The following VASH2 variants were observed in gnomAD, a reference collection of about 807,000 sequenced individuals.
VASH2 encodes vasohibin 2, also known as tubulinyl-Tyr carboxypeptidase 2.
In VASH2, 28 loss-of-function variants were observed where a neutral mutation model predicts 37.2. That is an observed-to-expected ratio of 0.75 (90% CI 0.56 to 1.03). VASH2 has a LOEUF of 1.03. Among genes scored for constraint, VASH2 ranks in the 50% least tolerant of loss-of-function variants. The probability of loss-of-function intolerance (pLI) is 0.00; values close to 1 mark genes in which losing one functional copy is unlikely to be tolerated. For missense variants in VASH2, 419 were observed against 459.1 expected (o/e 0.91, Z 0.80); for synonymous variants, 188 against 174.7 (o/e 1.08, Z -0.60).
At chr1:212,955,787 G>A (rs1467737027) in intron 2 of VASH2, among the ~76,000 whole-genome samples, 2 of 152,220 alleles carry the variant, frequency 1.3e-5, no homozygotes, top group African/African-American at 4.8e-5. Context: ...AGACCTGGCT[G>A]CAGTCAAGGG....
At position 212,985,976 on chromosome 1, in the gene VASH2, C is replaced by T. The variant is rs146416047; in HGVS notation, c.996-2536C>T. Among the ~76,000 whole-genome samples, 299 of 152,140 alleles carry T rather than the reference C, an allele frequency of 2.0e-3. 2 individuals carry two copies. The highest frequency in any genetic ancestry group is 0.015 in the South Asian group (73 of 4,822). ...CTAACTAAAAATCAGGGATGGGAGA[C>T]GGGTGTTTTATACTAAAGAAGGGAA... On this transcript the variant is annotated intron_variant, in intron 7 of 7. Transcript: ENST00000517399.
chr1:212,989,498 A>T lies in VASH2; in HGVS notation c.*914A>T, dbSNP rs1230667110. 1 of 152,078 alleles carries T rather than the reference A, an allele frequency of 6.6e-6. No homozygotes were observed. The highest frequency in any genetic ancestry group is 1.5e-5 in the Non-Finnish European group (1 of 68,010). 9.4% of individuals were successfully genotyped at this position (152,078 alleles called of 1,614,324 possible). A position where few individuals can be genotyped will look rare whatever the true frequency, so the allele number is the denominator to read the frequency against. On this transcript the variant is annotated 3_prime_UTR_variant, in exon 8 of 8. Coordinates refer to ENST00000517399, the MANE Select transcript of VASH2 (RefSeq NM_001301056.2). ...ATCAGCAGGTCTTCAGAACCAAAAA[A>T]CCTTTCTGTTCACATTTCATCTGAT...
intron 7 of VASH2, among the ~76,000 whole-genome samples, chr1:212,987,569 C>T (rs750446864): frequency 3.3e-5 from 5 of 152,012 alleles, no homozygotes; most frequent in Non-Finnish European, 7.4e-5. Flanking sequence ...GGCGAAACTC[C>T]GTCTCAAAAA....
At chr1:212,972,180 T>A (rs10735511) in intron 5 of VASH2, among the ~76,000 whole-genome samples, 54,792 of 151,880 alleles carry the variant, frequency 0.36, 11,540 homozygotes, top group East Asian at 0.49. Context: ...CAAGAATACC[T>A]AAGCTAGGAT....
intron 7 of VASH2, among the ~76,000 whole-genome samples, chr1:212,979,866 A>G (rs1667289220): frequency 6.6e-6 from 1 of 151,652 alleles, no homozygotes; most frequent in Non-Finnish European, 1.5e-5. Flanking sequence ...GGAGGTTGAG[A>G]TTCATGTTTC....
intron 7 of VASH2, among the ~76,000 whole-genome samples, chr1:212,988,246 C>T (rs546676948): frequency 6.6e-6 from 1 of 152,290 alleles, no homozygotes; most frequent in East Asian, 1.9e-4. Context: ...CAAAGTCAGG[C>T]TTAAAGCTGC....
intron 2 of VASH2, among the ~76,000 whole-genome samples, chr1:212,956,414 C>T (rs1666496925): frequency 6.6e-6 from 1 of 152,180 alleles, no homozygotes; most frequent in Non-Finnish European, 1.5e-5. Flanking sequence ...GATCTGTTTC[C>T]TCTAGATTGT....
intron 7 of VASH2, 76 bp from the exon 8 acceptor site, chr1:212,988,436 G>A (rs1253734877): frequency 4.1e-6 from 6 of 1,468,202 alleles, no homozygotes; most frequent in Admixed American, 3.5e-5. Context: ...AAACCGAGTA[G>A]AGGACCTTGA....
At chr1:212,973,882 T>C in intron 6 of VASH2, 73 bp from the exon 7 acceptor site, 3 of 1,541,632 alleles carry the variant, frequency 1.9e-6, no homozygotes, top group Non-Finnish European at 2.6e-6. Flanking sequence ...GGGTGGAATG[T>C]GGTGCTAGAA....
intron 7 of VASH2, among the ~76,000 whole-genome samples, chr1:212,979,055 A>C (rs1249597145): frequency 9.3e-6 from 1 of 107,374 alleles, no homozygotes; most frequent in South Asian, 3.0e-4. Flanking sequence ...GGTGCAGGAC[A>C]TGAGAATAAG....
Position 212,965,845 on chromosome 1 carries a change from C to T in VASH2, c.422+67C>T, listed in dbSNP as rs552746914. On this transcript the variant is annotated intron_variant, in intron 4 of 7. Transcript: ENST00000517399. ...ACATTCGAGCTGCCAGCTTCCTCTC[C>T]CAACCTCTATTCCCGTAGCCCATGG... 143 of 1,440,450 alleles carry T rather than the reference C, an allele frequency of 9.9e-5. No homozygotes were observed. The African/African-American group carries it at 1.6e-3, about 16-fold the overall frequency. The allele number at this position is 1,440,450 out of a possible 1,614,324, so 89.2% of individuals were successfully genotyped here.
At chr1:212,975,547 C>A (rs73084276) in intron 7 of VASH2, among the ~76,000 whole-genome samples, 5,444 of 152,304 alleles carry the variant, frequency 0.036, 308 homozygotes, top group African/African-American at 0.12. Context: ...GACCCTGGAC[C>A]CTAACCTTAG....
rs1667047410 is a variant in VASH2, at chr1:212,972,770, T to C, written c.688T>C (p.Phe230Leu). Residue 230 changes from phenylalanine to leucine, a missense_variant, in exon 6 of 8, where the codon TTT becomes CTT. By Grantham distance (22) the Phe-to-Leu change is conservative. This residue lies in a region of VASH2 where 177 missense variants were observed against 166.2 expected (regional missense o/e 1.06). Transcript: ENST00000517399. ...LTFRTLSDLIFDFEDSYKKYL... is the reference protein window; with the variant it reads ...LTFRTLSDLILDFEDSYKKYL... ...TTTTCGGACTCTGAGTGACCTCATCTTTGACTTTGAGGACTCTTACAAGAA... is the reference window on the plus strand; with the variant it reads ...TTTTCGGACTCTGAGTGACCTCATCCTTGACTTTGAGGACTCTTACAAGAA... 6.2e-7 allele frequency: 1 copy of C among 1,614,112 alleles called. No individual in the cohort carries two copies. The highest frequency in any genetic ancestry group is 1.7e-5 in the Admixed American group (1 of 60,000).
intron 2 of VASH2, among the ~76,000 whole-genome samples, chr1:212,952,093 TATTA>T (rs952235342): frequency 6.6e-6 from 1 of 152,170 alleles, no homozygotes; most frequent in African/African-American, 2.4e-5. Context: ...AGCCAAACTC[TATTA>T]TTTACTCACC....
rs113041858 is a variant in VASH2 at position 212,971,878 on chromosome 1, G to A, written c.498-702G>A. On this transcript the variant is annotated intron_variant, in intron 5 of 7. Coordinates refer to ENST00000517399, the MANE Select transcript of VASH2 (RefSeq NM_001301056.2). This position sits in a 1 kb window ranked among gnomAD's most constrained non-coding sequence, Gnocchi z 4.0. ...CTGTAAGCATTAAACAAGCCCATCT[G>A]TGTACCAGGCCAGTGCTGTGCCCAG... Among the ~76,000 whole-genome samples the A allele has an allele frequency of 1.3e-5, 2 of 152,174 alleles. No individual in the cohort carries two copies. Among genetic ancestry groups the A allele is most frequent in the African/African-American group, 4.8e-5 (2 of 41,520 alleles).
At chr1:212,953,029 C>T (rs1418368462) in intron 2 of VASH2, among the ~76,000 whole-genome samples, 1 of 152,190 alleles carries the variant, frequency 6.6e-6, no homozygotes, top group East Asian at 1.9e-4. Context: ...ATGAGAACAA[C>T]CTTTGTTCCT....
rs80041420 is a variant in VASH2, at chr1:212,975,901, A to C, written c.995+1831A>C. On this transcript the variant is annotated intron_variant, in intron 7 of 7. Coordinates refer to ENST00000517399, the MANE Select transcript of VASH2 (RefSeq NM_001301056.2). ...CACCTGGCAATGGATTCCTGCACAG[A>C]ATGGTGGCTATTGATTTTGAAGACT... 2.5e-3 allele frequency among the ~76,000 whole-genome samples: 384 copies of C among 152,336 alleles called. 2 individuals carry two copies. The highest frequency in any genetic ancestry group is 4.1e-3 in the Non-Finnish European group (279 of 68,024).
Position 212,974,052 on chromosome 1 carries a change from T to TCGGC in VASH2, c.982_985dup (p.Arg329ProfsTer10). On this transcript the variant is annotated frameshift_variant, in exon 7 of 8. Transcript: ENST00000517399. LOFTEE classifies it high-confidence loss of function. ...AGACAGGCAAGCCCCCCGAGGAGGCTCGGCCGGCGAGAGAAGTCGTGAGTA... is the reference window on the plus strand; with the variant it reads ...AGACAGGCAAGCCCCCCGAGGAGGCTCGGCCGGCCGGCGAGAGAAGTCGTGAGTA... 2 of 1,613,020 alleles carry TCGGC rather than the reference T, an allele frequency of 1.2e-6. No homozygotes were observed. The highest frequency in any genetic ancestry group is 1.7e-6 in the Non-Finnish European group (2 of 1,179,432).
chr1:212,974,848 C>T (rs1572075009), intron 7 of VASH2: 2 of 152,362 alleles, frequency 1.3e-5, no homozygotes, highest in Admixed American at 6.5e-5. Context: ...AACTGTGCCA[C>T]GTGTTAGCTG....
Sources: allele counts gnomAD v4.1 joint callset (sites outside exome capture counted in the v4.1 genomes callset), GRCh38; gene constraint gnomAD v4.1.1; regional missense constraint gnomAD v4.1.1; non-coding constraint Gnocchi (gnomAD v3.1); transcripts MANE v1.5; gene names NCBI Gene and HGNC (gene_info 2026-07-23, HGNC 2026-07-21).